Variants in GRK4 observed in about 807,000 individuals in gnomAD.
GRK4 encodes the protein G protein-coupled receptor kinase 2-like.
A neutral mutation model predicts 77.9 loss-of-function variants in GRK4; 73 were observed. That is an observed-to-expected ratio of 0.94 (90% CI 0.78 to 1.14). The LOEUF is 1.14. Among genes scored for constraint, GRK4 ranks in the 50% most tolerant of loss-of-function variants. GRK4 has a pLI of 0.00. For synonymous variants in GRK4, 257 were observed against 254.4 expected (o/e 1.01, Z -0.10); for missense variants, 729 against 700.2 (o/e 1.04, Z -0.46).
At chr4:3,039,320 G>C (rs1234985981) in intron 15 of GRK4, among the ~76,000 whole-genome samples, 1 of 152,190 alleles carries the variant, frequency 6.6e-6, no homozygotes, top group Non-Finnish European at 1.5e-5. Context: ...TTGGATTCGT[G>C]GGCCATCCTA....
At chr4:3,023,775 C>T (rs1017889089) in intron 10 of GRK4, among the ~76,000 whole-genome samples, 3 of 152,160 alleles carry the variant, frequency 2.0e-5, no homozygotes, top group East Asian at 1.9e-4. Flanking sequence ...GTAGGTAGAA[C>T]GTGCTCTGTA....
intron 1 of GRK4, among the ~76,000 whole-genome samples, chr4:2,970,282 AT>A (rs1001833086): frequency 1.3e-5 from 2 of 152,074 alleles, no homozygotes; most frequent in Non-Finnish European, 2.9e-5. Context: ...CAGGATTTTT[AT>A]TTCTTGGTCA....
rs528264159 is a variant in GRK4, at chr4:3,033,505, A to G, written c.1270-1881A>G. Among the ~76,000 whole-genome samples, 8 of 152,316 alleles carry G rather than the reference A, an allele frequency of 5.3e-5. No individual in the cohort carries two copies. In the South Asian group the frequency reaches 1.7e-3, roughly 32 times the overall value. ...GAGTATGCTGGCAGCAAGCTCAACCATGGGGCTGTGGAGTCCCTGAGATGC... is the reference window on the plus strand; with the variant it reads ...GAGTATGCTGGCAGCAAGCTCAACCGTGGGGCTGTGGAGTCCCTGAGATGC... On this transcript the variant is annotated intron_variant, in intron 12 of 15. Coordinates refer to ENST00000398052, the MANE Select transcript of GRK4 (RefSeq NM_182982.3).
intron 1 of GRK4, among the ~76,000 whole-genome samples, chr4:2,972,417 G>A (rs937147597): frequency 2.0e-5 from 3 of 152,166 alleles, no homozygotes; most frequent in Admixed American, 6.5e-5. Flanking sequence ...CAGCGGGGAC[G>A]TGGAACCAGA....
At chr4:3,026,834 G>T (rs1737714578) in intron 10 of GRK4, among the ~76,000 whole-genome samples, 1 of 152,220 alleles carries the variant, frequency 6.6e-6, no homozygotes, top group African/African-American at 2.4e-5. Flanking sequence ...AATGACTACA[G>T]TGCCTTGGAG....
chr4:3,021,252 G>C (rs1222614385), intron 9 of GRK4, among the ~76,000 whole-genome samples: 2 of 152,136 alleles, frequency 1.3e-5, no homozygotes, highest in East Asian at 3.9e-4. Flanking sequence ...GTTCCTGTGT[G>C]GGTGCCACTC....
In GRK4 at chr4:2,963,664, G is replaced by A; in HGVS notation, c.-407G>A. ...GGGAGCGGGTCGCCGGCCGCGGCGG[G>A]CGCCCCTGCCAGTGAGCCCCTGTCC... On this transcript the variant is annotated 5_prime_UTR_variant, in exon 1 of 16. Transcript: ENST00000398052. The A allele has an allele frequency of 2.8e-6, 1 of 361,320 alleles. No individual in the cohort carries two copies. Among genetic ancestry groups the A allele is most frequent in the East Asian group, 5.1e-5 (1 of 19,566 alleles). The allele number at this position is 361,320 out of a possible 1,614,324, so 22.4% of individuals were successfully genotyped here. A position where few individuals can be genotyped will look rare whatever the true frequency, so the allele number is the denominator to read the frequency against.
intron 3 of GRK4, among the ~76,000 whole-genome samples, chr4:2,989,382 G>A (rs1334876860): frequency 6.6e-6 from 1 of 152,136 alleles, no homozygotes; most frequent in African/African-American, 2.4e-5. Flanking sequence ...ATTGTATGAA[G>A]ATGACAAACT....
chr4:3,008,367 C>T (rs1173195397), intron 6 of GRK4, among the ~76,000 whole-genome samples: 1 of 152,156 alleles, frequency 6.6e-6, no homozygotes, highest in Non-Finnish European at 1.5e-5. Context: ...AGTGGCTTAG[C>T]TTGTATGAGT....
chr4:3,017,209 G>A (rs1329390069), intron 8 of GRK4, among the ~76,000 whole-genome samples: 3 of 152,232 alleles, frequency 2.0e-5, no homozygotes, highest in Non-Finnish European at 4.4e-5. Flanking sequence ...TGAGGGACCT[G>A]GCTCCTGCAG....
At chr4:3,028,320 C>T (rs1224183122) in intron 11 of GRK4, among the ~76,000 whole-genome samples, 1 of 152,312 alleles carries the variant, frequency 6.6e-6, no homozygotes, top group Admixed American at 6.5e-5. Flanking sequence ...GCACCACGGC[C>T]TCTCGGAGCC....
At chr4:3,007,347 T>G (rs961225904) in intron 5 of GRK4, among the ~76,000 whole-genome samples, 4 of 152,234 alleles carry the variant, frequency 2.6e-5, no homozygotes, top group Non-Finnish European at 5.9e-5. Context: ...GTTGGGTAAG[T>G]TGGCTCAGGT....
At chr4:2,974,441 C>T (rs1197135726) in intron 1 of GRK4, among the ~76,000 whole-genome samples, 2 of 152,160 alleles carry the variant, frequency 1.3e-5, no homozygotes, top group Admixed American at 1.3e-4. Context: ...ATCTCAGTGC[C>T]CTCTTTATAC....
chr4:3,036,211 C>T (rs1039866495), intron 13 of GRK4, among the ~76,000 whole-genome samples: 2 of 152,242 alleles, frequency 1.3e-5, no homozygotes, highest in African/African-American at 4.8e-5. Flanking sequence ...TTGTCTGGAA[C>T]GCGTGTCCCC....
intron 5 of GRK4, among the ~76,000 whole-genome samples, chr4:3,006,571 G>A (rs927649228): frequency 3.3e-5 from 5 of 151,792 alleles, no homozygotes; most frequent in Non-Finnish European, 5.9e-5. Context: ...CGTGACCTCA[G>A]GAGTTCGAGA....
At chr4:3,038,713 G>C in intron 15 of GRK4, 200 bp downstream of exon 15, 1 of 561,652 alleles carries the variant, frequency 1.8e-6, no homozygotes, top group African/African-American at 1.9e-5. Flanking sequence ...TTGTTGCTGG[G>C]ATGAAGACTG....
intron 13 of GRK4, among the ~76,000 whole-genome samples, chr4:3,035,914 G>A (rs193255120): frequency 3.3e-5 from 5 of 152,118 alleles, no homozygotes; most frequent in South Asian, 4.2e-4. Flanking sequence ...TCCCTGCCTC[G>A]TGTCACTGTC....
chr4:2,984,328 TG>T (rs780297208), intron 1 of GRK4, among the ~76,000 whole-genome samples, 184 bp from the exon 2 acceptor site: 27 of 152,300 alleles, frequency 1.8e-4, no homozygotes, highest in Non-Finnish European at 2.8e-4. Context: ...TTGCTTCCCT[TG>T]GGAATTTTAT....
intron 1 of GRK4, among the ~76,000 whole-genome samples, chr4:2,978,552 A>G (rs1320213189): frequency 6.6e-6 from 1 of 152,220 alleles, no homozygotes; most frequent in East Asian, 1.9e-4. Context: ...CACTGGTTCC[A>G]GAGGCTCAAA....
Sources: gnomAD v4.1 joint callset for allele counts (sites outside exome capture counted in the v4.1 genomes callset) on GRCh38, gnomAD v4.1.1 for gene constraint, MANE v1.5 for transcripts, NCBI Gene and HGNC (gene_info 2026-07-23, HGNC 2026-07-21) for gene names.